MCC: variants seen among roughly 807,000 people sequenced by gnomAD.
The protein encoded by MCC is MCC regulator of Wnt signaling pathway.
In MCC, 90 loss-of-function variants were observed where a neutral mutation model predicts 116.2. The ratio of observed to expected loss-of-function variants is 0.77; its 90% CI spans 0.65 to 0.92. MCC has a LOEUF of 0.92. MCC is among the 40% of genes least tolerant of loss of function. MCC has a pLI of 0.00. For missense variants in MCC, 1,516 were observed against 1,312.2 expected, an observed-to-expected ratio of 1.16 and a Z score of -2.40; for synonymous variants, 578 against 510.5, an observed-to-expected ratio of 1.13 and a Z score of -1.78.
chr5:113,469,345 C>T (rs1477048199), intron 1 of MCC, among the ~76,000 whole-genome samples: 1 of 152,088 alleles, frequency 6.6e-6, no homozygotes, highest in Non-Finnish European at 1.5e-5. Flanking sequence ...CCTCTACACA[C>T]TGCTTTGAAT....
chr5:113,426,178 T>C (rs915871009), intron 1 of MCC, among the ~76,000 whole-genome samples: 3 of 152,080 alleles, frequency 2.0e-5, no homozygotes, highest in Admixed American at 1.3e-4. Context: ...TGCAAGCAGA[T>C]GCTGGGCCCC....
chr5:113,176,017 T>C (rs1211342578), intron 3 of MCC, among the ~76,000 whole-genome samples: 1 of 152,204 alleles, frequency 6.6e-6, no homozygotes, highest in Non-Finnish European at 1.5e-5. Context: ...AGGCATATCC[T>C]AGGCTGATTT....
chr5:113,460,186 T>G (rs2150425067), intron 1 of MCC, among the ~76,000 whole-genome samples: 1 of 152,332 alleles, frequency 6.6e-6, no homozygotes, highest in Middle Eastern at 3.4e-3. Context: ...TTCATGACTG[T>G]CATGGGTAGC....
At position 113,382,732 on chromosome 5, in the gene MCC, T is replaced by A. The variant is rs1769154811; in HGVS notation, c.415+2236A>T. On this transcript the variant is annotated intron_variant, in intron 2 of 18. Coordinates refer to ENST00000408903, the MANE Select transcript of MCC (RefSeq NM_001085377.2). ...GACTTTACATATATATTAGCTCCTT[T>A]ATTCCCCCAAATAACAACTGCCCCC... Among the ~76,000 whole-genome samples the A allele has an allele frequency of 2.0e-5, 3 of 152,220 alleles. No homozygotes were observed. The South Asian group carries it at 6.2e-4, about 32-fold the overall frequency.
chr5:113,167,036 T>C (rs1450751074), intron 3 of MCC, among the ~76,000 whole-genome samples: 3 of 151,890 alleles, frequency 2.0e-5, no homozygotes, highest in Non-Finnish European at 4.4e-5. Flanking sequence ...TCGGGGCGAG[T>C]CTCATCTCTC....
At chr5:113,151,453 A>T in intron 3 of MCC, 31 bp from the exon 4 acceptor site, 2 of 1,200,382 alleles carry the variant, frequency 1.7e-6, no homozygotes, top group South Asian at 1.3e-5. Flanking sequence ...AGATTAGAGT[A>T]TTGTAGCAGA....
chr5:113,247,551 G>A (rs1293430456), intron 3 of MCC, among the ~76,000 whole-genome samples: 14 of 152,124 alleles, frequency 9.2e-5, no homozygotes, highest in Non-Finnish European at 2.1e-4. Context: ...AAATAAAAGT[G>A]GTATATACAA....
chr5:113,119,100 T>A (rs1362479264), intron 6 of MCC, among the ~76,000 whole-genome samples: 1 of 152,216 alleles, frequency 6.6e-6, no homozygotes. Flanking sequence ...ACTGTGAGCT[T>A]TGGGATGGGG....
intron 16 of MCC, among the ~76,000 whole-genome samples, chr5:113,046,144 T>C (rs1580915237): frequency 6.6e-6 from 1 of 152,022 alleles, no homozygotes; most frequent in East Asian, 1.9e-4. Context: ...TAAAGGTTCT[T>C]ACTGTAGTGT....
At chr5:113,061,098 G>C (rs1297553681) in intron 14 of MCC, among the ~76,000 whole-genome samples, 1 of 152,202 alleles carries the variant, frequency 6.6e-6, no homozygotes, top group Non-Finnish European at 1.5e-5. Flanking sequence ...CATCTCTTGA[G>C]CTCTGCTGCT....
chr5:113,216,146 A>G (rs1478162535), intron 3 of MCC, among the ~76,000 whole-genome samples: 1 of 152,202 alleles, frequency 6.6e-6, no homozygotes, highest in East Asian at 1.9e-4. Context: ...TTTTGCTGCA[A>G]AAATGGCAGA....
chr5:113,370,362 A>G (rs941385141), intron 2 of MCC, among the ~76,000 whole-genome samples: 7 of 152,256 alleles, frequency 4.6e-5, no homozygotes, highest in African/African-American at 1.4e-4. Flanking sequence ...AACAGGGCAA[A>G]GTGACACCAT....
intron 10 of MCC, among the ~76,000 whole-genome samples, chr5:113,083,510 G>A (rs557083102): frequency 1.3e-5 from 2 of 152,312 alleles, no homozygotes; most frequent in East Asian, 1.9e-4. Flanking sequence ...CTCTGCCTCT[G>A]AGGATCAAAT....
chr5:113,358,496 A>C (rs1768467537), intron 2 of MCC, among the ~76,000 whole-genome samples: 1 of 152,178 alleles, frequency 6.6e-6, no homozygotes, highest in African/African-American at 2.4e-5. Flanking sequence ...GAAAATGCAG[A>C]GTGTTTAGGG....
In MCC at chr5:113,198,706, C is replaced by CAA. The variant is rs530273754; in HGVS notation, c.628-47286_628-47285dup. Among the ~76,000 whole-genome samples the CAA allele has an allele frequency of 3.2e-3, 323 of 99,904 alleles. 3 individuals carry two copies. The highest frequency in any genetic ancestry group is 8.5e-3 in the African/African-American group (259 of 30,526). The allele number at this position is 99,904 out of a possible 152,430, so 65.5% of individuals were successfully genotyped here. On this transcript the variant is annotated intron_variant, in intron 3 of 18. Transcript: ENST00000408903. ...GGGTGACACAGCAACACCCCCACCTCAAAAAAAAAAAAAAAAGAATTAACA... is the reference window on the plus strand; with the variant it reads ...GGGTGACACAGCAACACCCCCACCTCAAAAAAAAAAAAAAAAAAGAATTAACA...
At chr5:113,267,155 A>G (rs1765452729) in intron 3 of MCC, among the ~76,000 whole-genome samples, 1 of 151,928 alleles carries the variant, frequency 6.6e-6, no homozygotes. Context: ...TTTCCTTCCT[A>G]TCGTCCCTGT....
At chr5:113,236,399 A>G (rs986598590) in intron 3 of MCC, among the ~76,000 whole-genome samples, 8 of 152,230 alleles carry the variant, frequency 5.3e-5, no homozygotes, top group Non-Finnish European at 1.0e-4. Flanking sequence ...GGATAAGAGC[A>G]TGGGCTCTTG....
At chr5:113,390,052 A>C (rs776596397) in intron 1 of MCC, among the ~76,000 whole-genome samples, 13 of 152,194 alleles carry the variant, frequency 8.5e-5, no homozygotes, top group Non-Finnish European at 1.6e-4. Flanking sequence ...ATAGTCCAGC[A>C]GAGAACTATA....
At chr5:113,334,849 C>G (rs1188661114) in intron 3 of MCC, among the ~76,000 whole-genome samples, 2 of 151,482 alleles carry the variant, frequency 1.3e-5, no homozygotes, top group African/African-American at 2.5e-5. Context: ...TCTCGGCCTC[C>G]CAAAGTGCTG....
Sources: allele counts gnomAD v4.1 joint callset (sites outside exome capture counted in the v4.1 genomes callset), GRCh38; gene constraint gnomAD v4.1.1; transcripts MANE v1.5; gene names NCBI Gene and HGNC (gene_info 2026-07-23, HGNC 2026-07-21).